The following AGAP1 variants were observed in gnomAD, a reference collection of about 807,000 sequenced individuals.
AGAP1 encodes arf-GAP with GTPase, ANK repeat and PH domain-containing protein 1.
A neutral mutation model predicts 105.3 loss-of-function variants in AGAP1; 29 were observed. The observed-to-expected ratio is 0.28, with a 90% CI of 0.21 to 0.38. AGAP1 has a LOEUF of 0.38. Ranked by LOEUF, AGAP1 falls within the 10% of genes least tolerant of loss-of-function variation. AGAP1 has a pLI of 1.00. For synonymous variants in AGAP1, 509 were observed against 485.9 expected (o/e 1.05, Z -0.63); for missense variants, 998 against 1,165.1 (o/e 0.86, Z 2.09).
rs2054503077 is a variant in AGAP1 at position 235,968,524 on chromosome 2, C to T, written c.1546C>T (p.Leu516Phe). 2 of 1,591,736 alleles carry T rather than the reference C, an allele frequency of 1.3e-6. No homozygotes were observed. Among genetic ancestry groups the T allele is most frequent in the East Asian group, 2.3e-5 (1 of 43,980 alleles). Reference sequence around the variant, plus strand: ...TATCTCCAGCACCACCAGCCCCAAGCTCGACCCGCCCCCCTCCCCTCACGC... The same window carrying T: ...TATCTCCAGCACCACCAGCCCCAAGTTCGACCCGCCCCCCTCCCCTCACGC... ...PSISSTTSPK[L>F]DPPPSPHANR... is the part of the protein sequence containing the mutation. Residue 516 changes from leucine to phenylalanine, a missense_variant, in exon 13 of 18, where the codon CTC becomes TTC. Leu to Phe is a conservative substitution (Grantham distance 22). Around this residue, in one of 3 missense-constraint regions of AGAP1, gnomAD observed 735 missense variants for 833.4 expected, o/e 0.88. Coordinates refer to ENST00000304032, the MANE Select transcript of AGAP1 (RefSeq NM_001037131.3).
At chr2:235,561,719 T>C (rs1177082194) in intron 1 of AGAP1, among the ~76,000 whole-genome samples, 2 of 152,186 alleles carry the variant, frequency 1.3e-5, no homozygotes, top group African/African-American at 4.8e-5. Context: ...GCCCATTACA[T>C]ACCTTTTGTG....
At chr2:235,852,883 A>C in intron 9 of AGAP1, 2 of 1,350,524 alleles carry the variant, frequency 1.5e-6, no homozygotes, top group South Asian at 4.1e-5. Flanking sequence ...GGTGAACTCC[A>C]GATCGGCCGA....
chr2:236,049,015 A>G (rs372209507), intron 15 of AGAP1, 44 bp from the exon 16 acceptor site: 3 of 1,549,824 alleles, frequency 1.9e-6, no homozygotes, highest in South Asian at 2.3e-5. Context: ...GGAATGATGC[A>G]TGATGGTCTG....
chr2:236,124,003 G>C lies in AGAP1; in HGVS notation c.2455G>C (p.Asp819His). The change falls in exon 18 of 18, where the codon GAC becomes CAC. Residue 819 changes from aspartate to histidine, a missense_variant. Transcript: ENST00000304032. This position sits in a 1 kb window ranked among gnomAD's most constrained non-coding sequence, Gnocchi z 5.1. ...GCAGGCCTCCAGCCAGGAGTGCATC[G>C]ACGTGCTGCTGCAGTACGGCTGCCC... Reference protein sequence around the residue: ...ARQASSQECIDVLLQYGCPDE... With the variant: ...ARQASSQECIHVLLQYGCPDE... 1.2e-6 allele frequency: 2 copies of C among 1,613,990 alleles called. No homozygotes were observed. Among genetic ancestry groups the C allele is most frequent in the Non-Finnish European group, 1.7e-6 (2 of 1,180,012 alleles).
intron 3 of AGAP1, among the ~76,000 whole-genome samples, chr2:235,727,881 G>C (rs955999134): frequency 1.3e-5 from 2 of 152,176 alleles, no homozygotes; most frequent in Non-Finnish European, 2.9e-5. Context: ...CAGGGTGGGG[G>C]TGCAGCATGT....
chr2:235,606,054 T>A (rs538109143), intron 1 of AGAP1, among the ~76,000 whole-genome samples: 1 of 152,358 alleles, frequency 6.6e-6, no homozygotes, highest in East Asian at 1.9e-4. Flanking sequence ...CAAGCAAACA[T>A]GTTTATAGGT....
At chr2:235,704,403 C>CT (rs200109487) in intron 1 of AGAP1, among the ~76,000 whole-genome samples, 11,608 of 152,192 alleles carry the variant, frequency 0.076, 1,452 homozygotes, top group African/African-American at 0.26. Flanking sequence ...ATTCCCAGCA[C>CT]TTGGGAGGCC....
rs558738161 is a variant in AGAP1 at position 235,670,657 on chromosome 2, C to T, written c.164-38522C>T. 439 of 646,192 alleles carry T rather than the reference C, an allele frequency of 6.8e-4. 6 individuals are homozygous for T. In the East Asian group the frequency reaches 0.013, roughly 19 times the overall value. 40.0% of individuals were successfully genotyped at this position (646,192 alleles called of 1,614,324 possible). ...CCGGGAGCCTGGCCTGGGCGCCGTGCGACGAGGCCGCGGCCGGGACCACCC... is the reference window on the plus strand; with the variant it reads ...CCGGGAGCCTGGCCTGGGCGCCGTGTGACGAGGCCGCGGCCGGGACCACCC... On this transcript the variant is annotated intron_variant, in intron 1 of 17. Coordinates refer to ENST00000304032, the MANE Select transcript of AGAP1 (RefSeq NM_001037131.3).
intron 1 of AGAP1, among the ~76,000 whole-genome samples, chr2:235,708,803 G>C (rs1000407508): frequency 6.6e-6 from 1 of 152,174 alleles, no homozygotes; most frequent in East Asian, 1.9e-4. Context: ...ATCACTCCTC[G>C]GAAAGCTAGG....
chr2:235,524,478 T>A (rs1398721336), intron 1 of AGAP1: 2 of 319,546 alleles, frequency 6.3e-6, no homozygotes, highest in Admixed American at 4.3e-5. Flanking sequence ...GTGGATGCGA[T>A]GGGCAGTTGC....
At chr2:235,533,431 C>T (rs1943108983) in intron 1 of AGAP1, among the ~76,000 whole-genome samples, 1 of 152,130 alleles carries the variant, frequency 6.6e-6, no homozygotes, top group South Asian at 2.1e-4. Flanking sequence ...ACATCCATTA[C>T]TCATTAGTTT....
At chr2:235,813,888 C>A (rs146904860) in intron 9 of AGAP1, among the ~76,000 whole-genome samples, 10 of 152,130 alleles carry the variant, frequency 6.6e-5, no homozygotes, top group Non-Finnish European at 1.3e-4. Context: ...GCCAGAAGGG[C>A]GATGGAGTGG....
chr2:235,530,725 T>C (rs116737955), intron 1 of AGAP1, among the ~76,000 whole-genome samples: 117 of 152,348 alleles, frequency 7.7e-4, no homozygotes, highest in Middle Eastern at 3.4e-3. Flanking sequence ...TGGACCCATC[T>C]GGATAATCTT....
rs1202401284 is a variant in AGAP1 at position 235,934,658 on chromosome 2, G to T, written c.1483+3735G>T. Among the ~76,000 whole-genome samples, 1 of 152,138 alleles carries T rather than the reference G, an allele frequency of 6.6e-6. No individual in the cohort carries two copies. Among genetic ancestry groups the T allele is most frequent in the Admixed American group, 6.5e-5 (1 of 15,268 alleles). ...CATGCTCTTTCTTCTTAAGTTGCCG[G>T]TGATATAAGTCCCCCCTGCCCCCAC... On this transcript the variant is annotated intron_variant, in intron 12 of 17. Transcript: ENST00000304032. The surrounding 1 kb of genome is among the most constrained non-coding windows in gnomAD (Gnocchi z 4.9).
chr2:236,096,818 A>C lies in AGAP1; in HGVS notation c.2115-23374A>C, dbSNP rs2059203386. Among the ~76,000 whole-genome samples, 1 of 151,908 alleles carries C rather than the reference A, an allele frequency of 6.6e-6. No individual in the cohort carries two copies. The highest frequency in any genetic ancestry group is 2.1e-4 in the South Asian group (1 of 4,796). On this transcript the variant is annotated intron_variant, in intron 16 of 17. Coordinates refer to ENST00000304032, the MANE Select transcript of AGAP1 (RefSeq NM_001037131.3). The surrounding 1 kb of genome is among the most constrained non-coding windows in gnomAD (Gnocchi z 4.4). ...AGGCTGGTCTCGAGCTCCCAACCTC[A>C]AGTGATTCACCCCGGCCTCCCAAAG... is the stretch of plus-strand genomic sequence containing the variant.
At chr2:235,534,817 C>T (rs1040247213) in intron 1 of AGAP1, among the ~76,000 whole-genome samples, 4 of 152,134 alleles carry the variant, frequency 2.6e-5, no homozygotes, top group Non-Finnish European at 4.4e-5. Context: ...CAGGCGTCAG[C>T]GCCTGGGGAA....
intron 1 of AGAP1, among the ~76,000 whole-genome samples, chr2:235,603,121 C>T (rs2149239168): frequency 6.6e-6 from 1 of 152,270 alleles, no homozygotes; most frequent in Non-Finnish European, 1.5e-5. Context: ...ATAATTGAAT[C>T]ATGAGGGTGG....
chr2:235,687,313 G>A (rs1949502100), intron 1 of AGAP1, among the ~76,000 whole-genome samples: 1 of 152,188 alleles, frequency 6.6e-6, no homozygotes, highest in Non-Finnish European at 1.5e-5. Context: ...TCCTTTGGAA[G>A]GAGATTAAGT....
intron 9 of AGAP1, among the ~76,000 whole-genome samples, chr2:235,840,733 G>A (rs1960728800): frequency 6.6e-6 from 1 of 151,578 alleles, no homozygotes; most frequent in South Asian, 2.1e-4. Context: ...CGATGGACAG[G>A]TTGATTCGAT....
Sources: gnomAD v4.1 joint callset for allele counts (sites outside exome capture counted in the v4.1 genomes callset) on GRCh38, gnomAD v4.1.1 for gene constraint, gnomAD v4.1.1 regional missense constraint, Gnocchi (gnomAD v3.1) non-coding constraint, MANE v1.5 for transcripts, NCBI Gene and HGNC (gene_info 2026-07-23, HGNC 2026-07-21) for gene names.